The following CARMIL1 variants were observed in gnomAD, a reference collection of about 807,000 sequenced individuals.
CARMIL1 encodes the protein F-actin-uncapping protein LRRC16A.
CARMIL1 carries 90 observed loss-of-function variants against 177.1 expected under a neutral mutation model. The ratio of observed to expected loss-of-function variants is 0.51; its 90% confidence interval spans 0.43 to 0.61. The LOEUF is 0.61. CARMIL1 is among the 20% of genes least tolerant of loss of function. The pLI is 0.00. For synonymous variants in CARMIL1, 577 were observed against 606.2 expected, an observed-to-expected ratio of 0.95 and a Z score of 0.71; for missense variants, 1,380 against 1,667.0, an observed-to-expected ratio of 0.83 and a Z score of 3.00.
chr6:25,426,581 A>G (rs748166086), intron 4 of CARMIL1, 21 bp downstream of exon 4: 1 of 1,599,956 alleles, frequency 6.3e-7, no homozygotes, highest in South Asian at 1.1e-5. Context: ...AAAATGGATC[A>G]CTGCAAGATC....
At chr6:25,599,153 T>C (rs1051477077) in intron 32 of CARMIL1, among the ~76,000 whole-genome samples, 15 of 152,230 alleles carry the variant, frequency 9.9e-5, no homozygotes, top group Non-Finnish European at 1.9e-4. Flanking sequence ...CGATGAATTT[T>C]TGAATGGGCT....
chr6:25,590,038 C>A (rs377640426), intron 31 of CARMIL1, among the ~76,000 whole-genome samples: 2 of 152,188 alleles, frequency 1.3e-5, no homozygotes, highest in African/African-American at 2.4e-5. Flanking sequence ...ATATTTCCAT[C>A]CCCAGCTACA....
intron 2 of CARMIL1, among the ~76,000 whole-genome samples, chr6:25,397,031 A>T (rs9467486): frequency 0.42 from 63,649 of 151,926 alleles, 13,543 homozygotes; most frequent in Middle Eastern, 0.58. Context: ...AGCGGCATCA[A>T]GGAGGAGGTT....
At chr6:25,502,989 T>C (rs749914705) in intron 17 of CARMIL1, among the ~76,000 whole-genome samples, 24 of 152,226 alleles carry the variant, frequency 1.6e-4, no homozygotes, top group Non-Finnish European at 2.9e-4. Flanking sequence ...CAGATAGGTA[T>C]AGTAGATGAA....
At chr6:25,287,808 C>T (rs977000119) in intron 2 of CARMIL1, among the ~76,000 whole-genome samples, 7 of 152,192 alleles carry the variant, frequency 4.6e-5, no homozygotes, top group African/African-American at 1.2e-4. Context: ...AAGAAGGCAG[C>T]TGTTACTTTG....
intron 1 of CARMIL1, among the ~76,000 whole-genome samples, chr6:25,281,277 C>T (rs1340852503): frequency 6.6e-6 from 1 of 151,940 alleles, no homozygotes; most frequent in Admixed American, 6.6e-5. Flanking sequence ...AGGCTGCGAC[C>T]TTTCCAACAC....
chr6:25,568,381 G>A (rs1183646460), intron 29 of CARMIL1, among the ~76,000 whole-genome samples: 1 of 152,192 alleles, frequency 6.6e-6, no homozygotes, highest in African/African-American at 2.4e-5. Context: ...CAAACTTAAG[G>A]ATCAGCGCCC....
At chr6:25,588,117 A>T (rs1813935112) in intron 31 of CARMIL1, among the ~76,000 whole-genome samples, 1 of 152,214 alleles carries the variant, frequency 6.6e-6, no homozygotes, top group Admixed American at 6.5e-5. Context: ...AGCACACAGG[A>T]GGATGTTTGT....
chr6:25,610,532 A>G (rs1341619599), intron 36 of CARMIL1, among the ~76,000 whole-genome samples: 2 of 152,164 alleles, frequency 1.3e-5, no homozygotes, highest in Non-Finnish European at 2.9e-5. Flanking sequence ...TCTGAGTCCT[A>G]TTATTTTCAA....
At chr6:25,544,647 C>CACACA (rs1809271397) in intron 26 of CARMIL1, among the ~76,000 whole-genome samples, 1 of 138,288 alleles carries the variant, frequency 7.2e-6, no homozygotes, top group African/African-American at 2.8e-5. Context: ...ACACACACAC[C>CACACA]CCAAACACTA....
intron 13 of CARMIL1, 115 bp from the exon 14 acceptor site, chr6:25,491,617 A>C (rs1803244184): frequency 1.7e-6 from 1 of 603,856 alleles, no homozygotes; most frequent in Non-Finnish European, 2.9e-6. Context: ...TCCCCTTGGG[A>C]AGAGCAGAGA....
intron 2 of CARMIL1, among the ~76,000 whole-genome samples, chr6:25,390,307 TA>T (rs1562073347): frequency 5.3e-3 from 248 of 47,114 alleles, no homozygotes; most frequent in African/African-American, 7.5e-3. Flanking sequence ...TATATATATA[TA>T]TATATATATA....
chr6:25,609,270 TC>T (rs1286601522), intron 35 of CARMIL1, among the ~76,000 whole-genome samples: 3 of 151,884 alleles, frequency 2.0e-5, no homozygotes, highest in Non-Finnish European at 1.5e-5. Flanking sequence ...ATCGAGACCA[TC>T]CTGGCTAACA....
Position 25,577,098 on chromosome 6 carries a change from G to GT in CARMIL1, c.2743-3824dup. ...GGCTGGTCTCCCAGGAGACTGTAGT[G>GT]TTGTCATCCATCTGCAGATCCTGAA... On this transcript the variant is annotated intron_variant, in intron 29 of 36. Coordinates refer to ENST00000329474, the MANE Select transcript of CARMIL1 (RefSeq NM_017640.6). The surrounding 1 kb of genome is among the most constrained non-coding windows in gnomAD (Gnocchi z 4.5). 1.0e-6 allele frequency: 1 copy of GT among 985,360 alleles called. No individual in the cohort carries two copies. Among genetic ancestry groups the GT allele is most frequent in the South Asian group, 4.7e-5 (1 of 21,284 alleles). The allele number at this position is 985,360 out of a possible 1,614,324, so 61.0% of individuals were successfully genotyped here. A position where few individuals can be genotyped will look rare whatever the true frequency, so the allele number is the denominator to read the frequency against.
chr6:25,524,276 A>G (rs953543718), intron 23 of CARMIL1, among the ~76,000 whole-genome samples: 13 of 152,220 alleles, frequency 8.5e-5, no homozygotes, highest in African/African-American at 2.9e-4. Flanking sequence ...AAAACTAATC[A>G]TAAGATTATA....
rs567904315 is a variant in CARMIL1, at chr6:25,343,106, T to G, written c.138+58197T>G. 7.2e-5 allele frequency among the ~76,000 whole-genome samples: 11 copies of G among 152,306 alleles called. No individual in the cohort carries two copies. The East Asian group carries it at 2.1e-3, about 29-fold the overall frequency. On this transcript the variant is annotated intron_variant, in intron 2 of 36. Transcript: ENST00000329474. ...TGCACCTCATTGGGTGTTTCCTCAA[T>G]GTGGAATGTTTTATAGTATCCAGTG...
intron 2 of CARMIL1, among the ~76,000 whole-genome samples, chr6:25,361,650 G>A (rs543140193): frequency 2.1e-4 from 32 of 152,296 alleles, no homozygotes; most frequent in African/African-American, 7.5e-4. Flanking sequence ...TGGTTTGAAA[G>A]TGTCCGCCAA....
chr6:25,525,389 T>C (rs1806993771), intron 23 of CARMIL1, among the ~76,000 whole-genome samples: 2 of 152,126 alleles, frequency 1.3e-5, no homozygotes, highest in South Asian at 2.1e-4. Context: ...AGGAAAATTA[T>C]CCTTCAAAAG....
intron 2 of CARMIL1, among the ~76,000 whole-genome samples, chr6:25,339,842 TA>T (rs1378769635): frequency 6.6e-6 from 1 of 152,176 alleles, no homozygotes; most frequent in African/African-American, 2.4e-5. Context: ...TTGGGGCCTT[TA>T]TAAAGATTAA....
Sources: gnomAD v4.1 joint callset for allele counts (sites outside exome capture counted in the v4.1 genomes callset) on GRCh38, gnomAD v4.1.1 for gene constraint, Gnocchi (gnomAD v3.1) non-coding constraint, MANE v1.5 for transcripts, NCBI Gene and HGNC (gene_info 2026-07-23, HGNC 2026-07-21) for gene names.